Variants in LRRC7 observed in about 807,000 individuals in gnomAD.
LRRC7 encodes the protein leucine-rich repeat-containing protein 7.
LRRC7 carries 23 observed loss-of-function variants against 175.7 expected under a neutral mutation model. The ratio of observed to expected loss-of-function variants is 0.13; its 90% confidence interval spans 0.09 to 0.19. LRRC7 has a LOEUF of 0.19. LRRC7 is among the 10% of genes least tolerant of loss of function. LRRC7 has a pLI of 1.00. For missense variants in LRRC7, 1,354 were observed against 1,904.7 expected (o/e 0.71, Z 5.38); for synonymous variants, 685 against 680.9 (o/e 1.01, Z -0.09).
intron 1 of LRRC7, among the ~76,000 whole-genome samples, chr1:69,645,788 T>C (rs1654922342): frequency 6.6e-6 from 1 of 152,026 alleles, no homozygotes; most frequent in Non-Finnish European, 1.5e-5. Context: ...TGAGAAAATA[T>C]AAAGATGAGG....
intron 8 of LRRC7, among the ~76,000 whole-genome samples, chr1:69,949,982 A>AT (rs11411760): frequency 0.54 from 82,273 of 150,984 alleles, 22,417 homozygotes; most frequent in East Asian, 0.68. Context: ...TGGCCTCTTT[A>AT]TTTTTTTTCC....
chr1:69,916,672 T>A (rs1037517585), intron 7 of LRRC7, among the ~76,000 whole-genome samples: 1 of 152,090 alleles, frequency 6.6e-6, no homozygotes, highest in African/African-American at 2.4e-5. Context: ...ATTCTAGAAT[T>A]CCAGCTTCTT....
chr1:69,654,493 C>A (rs527511366), intron 1 of LRRC7, among the ~76,000 whole-genome samples: 2 of 152,014 alleles, frequency 1.3e-5, no homozygotes, highest in South Asian at 2.1e-4. Context: ...GTTGTGATAA[C>A]AAGTCATGAT....
chr1:69,846,466 T>G (rs1216020215), intron 7 of LRRC7, among the ~76,000 whole-genome samples: 1 of 151,974 alleles, frequency 6.6e-6, no homozygotes, highest in Non-Finnish European at 1.5e-5. Context: ...CTGCCTGCAG[T>G]AACAGTGAGG....
chr1:69,749,471 AT>A (rs1669595724), intron 2 of LRRC7, among the ~76,000 whole-genome samples: 1 of 152,192 alleles, frequency 6.6e-6, no homozygotes, highest in African/African-American at 2.4e-5. Context: ...AATTCTGTGG[AT>A]TTTGTTTAAC....
chr1:69,667,764 C>T (rs147425515), intron 1 of LRRC7, among the ~76,000 whole-genome samples: 32 of 152,282 alleles, frequency 2.1e-4, no homozygotes, highest in African/African-American at 7.7e-4. Flanking sequence ...TTCAGTCACT[C>T]CACAACTTTT....
At chr1:70,000,055 C>T (rs964359214) in intron 11 of LRRC7, among the ~76,000 whole-genome samples, 3 of 152,080 alleles carry the variant, frequency 2.0e-5, no homozygotes, top group Non-Finnish European at 4.4e-5. Flanking sequence ...CCCTACTTGC[C>T]TTCGAAGACA....
chr1:69,803,080 C>T (rs545711487), intron 4 of LRRC7, among the ~76,000 whole-genome samples: 129 of 151,448 alleles, frequency 8.5e-4, no homozygotes, highest in African/African-American at 2.8e-3. Context: ...ATACAAAAAG[C>T]TTTTCCCCAA....
At chr1:69,931,162 G>C (rs1324096636) in intron 7 of LRRC7, among the ~76,000 whole-genome samples, 1 of 152,146 alleles carries the variant, frequency 6.6e-6, no homozygotes, top group Non-Finnish European at 1.5e-5. Flanking sequence ...CTGAGAATTG[G>C]TTTCAGCCAT....
chr1:70,028,673 A>G (rs994673991), intron 18 of LRRC7, among the ~76,000 whole-genome samples: 30 of 152,118 alleles, frequency 2.0e-4, no homozygotes, highest in African/African-American at 7.0e-4. Context: ...TATTTTGGCT[A>G]CCCCAAACTT....
At chr1:69,781,364 A>C (rs1341068012) in intron 3 of LRRC7, among the ~76,000 whole-genome samples, 1 of 151,894 alleles carries the variant, frequency 6.6e-6, no homozygotes, top group East Asian at 2.0e-4. Flanking sequence ...CTGATCATTC[A>C]GAGGCGATAG....
chr1:69,577,387 G>C (rs1303678483), intron 1 of LRRC7, among the ~76,000 whole-genome samples: 1 of 152,138 alleles, frequency 6.6e-6, no homozygotes, highest in East Asian at 1.9e-4. Context: ...AGTTTAATTA[G>C]ATCCCATTTG....
chr1:70,053,172 A>G (rs758264747), intron 23 of LRRC7, 27 bp downstream of exon 23: 1 of 1,582,400 alleles, frequency 6.3e-7, no homozygotes, highest in Non-Finnish European at 8.6e-7. Context: ...TAACAAGACA[A>G]ACCATGAACC....
intron 4 of LRRC7, among the ~76,000 whole-genome samples, chr1:69,798,550 A>AG (rs1676077782): frequency 6.6e-6 from 1 of 152,170 alleles, no homozygotes; most frequent in African/African-American, 2.4e-5. Context: ...AACTATTTTA[A>AG]CATTTTAAGT....
chr1:69,900,890 A>C (rs560875718), intron 7 of LRRC7, among the ~76,000 whole-genome samples: 9 of 152,234 alleles, frequency 5.9e-5, no homozygotes, highest in African/African-American at 1.9e-4. Context: ...CCAGAGAATG[A>C]CTCCCATGAG....
chr1:69,771,203 C>A (rs1228197602), intron 3 of LRRC7, among the ~76,000 whole-genome samples: 1 of 151,942 alleles, frequency 6.6e-6, no homozygotes. Flanking sequence ...GCCATTATTT[C>A]TTTCAATAAA....
chr1:69,808,442 A>G (rs1425634986), intron 4 of LRRC7, among the ~76,000 whole-genome samples: 1 of 152,054 alleles, frequency 6.6e-6, no homozygotes, highest in Non-Finnish European at 1.5e-5. Flanking sequence ...TCTCCACCCC[A>G]AATCAACAGA....
chr1:69,861,783 T>C (rs926064452), intron 7 of LRRC7, among the ~76,000 whole-genome samples: 1 of 152,200 alleles, frequency 6.6e-6, no homozygotes, highest in African/African-American at 2.4e-5. Context: ...GGAGGCTCTT[T>C]GCTTTATGCC....
At chr1:69,963,119 C>T (rs1192010388) in intron 8 of LRRC7, among the ~76,000 whole-genome samples, 1 of 151,802 alleles carries the variant, frequency 6.6e-6, no homozygotes. Context: ...GCCTGGCCAG[C>T]CTGGTGAAAG....
Sources: gnomAD v4.1 joint callset for allele counts (sites outside exome capture counted in the v4.1 genomes callset) on GRCh38, gnomAD v4.1.1 for gene constraint, MANE v1.5 for transcripts, NCBI Gene and HGNC (gene_info 2026-07-23, HGNC 2026-07-21) for gene names.